KIF6: variants seen among roughly 807,000 people sequenced by gnomAD.
The protein encoded by KIF6 is kinesin family member 6, also known as kinesin-like protein KIF6.
A neutral mutation model predicts 112.7 loss-of-function variants in KIF6; 106 were observed. The ratio of observed to expected loss-of-function variants is 0.94; its 90% CI spans 0.80 to 1.11. The LOEUF is 1.11. KIF6 is among the 50% of genes least tolerant of loss of function. The pLI, the probability that KIF6 is intolerant of heterozygous loss-of-function variation, is 0.00. For synonymous variants in KIF6, 339 were observed against 339.9 expected (o/e 1.00, Z 0.03); for missense variants, 929 against 964.0 (o/e 0.96, Z 0.48).
chr6:39,403,579 C>A (rs1202865921), intron 15 of KIF6, among the ~76,000 whole-genome samples: 1 of 152,210 alleles, frequency 6.6e-6, no homozygotes, highest in East Asian at 1.9e-4. Flanking sequence ...TGGGTTACCA[C>A]CAGTTTTTGG....
intron 13 of KIF6, among the ~76,000 whole-genome samples, chr6:39,519,463 A>G (rs1016132018): frequency 1.3e-5 from 2 of 152,202 alleles, no homozygotes; most frequent in Non-Finnish European, 2.9e-5. Flanking sequence ...GTAATGCTGC[A>G]TGGCAGGTTT....
At chr6:39,337,024 CTTCCT>C (rs1260615753) in intron 22 of KIF6, among the ~76,000 whole-genome samples, 4 of 134,494 alleles carry the variant, frequency 3.0e-5, no homozygotes, top group East Asian at 4.5e-4. Context: ...CCCTCCCTTC[CTTCCT>C]TTCTTTTCCT....
intron 13 of KIF6, among the ~76,000 whole-genome samples, chr6:39,446,537 A>G (rs1402747133): frequency 6.6e-6 from 1 of 152,168 alleles, no homozygotes; most frequent in East Asian, 1.9e-4. Flanking sequence ...CTTGTTGCCC[A>G]GGCTGGAGTG....
rs1562109899 is a variant in KIF6, at chr6:39,343,921, C to A, written c.2322-106G>T. On this transcript the variant is annotated intron_variant, in intron 21 of 22. Coordinates refer to ENST00000287152, the MANE Select transcript of KIF6 (RefSeq NM_145027.6). The surrounding 1 kb of genome is among the most constrained non-coding windows in gnomAD (Gnocchi z 4.1). ...TAGGTGACTGATCTCACTCAGAAAG[C>A]TACATGACACGGCTGGCCTGCTTCT... 1 of 628,624 alleles carries A rather than the reference C, an allele frequency of 1.6e-6. No individual in the cohort carries two copies. The highest frequency in any genetic ancestry group is 2.7e-6 in the Non-Finnish European group (1 of 365,042). 38.9% of individuals were successfully genotyped at this position (628,624 alleles called of 1,614,324 possible).
At chr6:39,536,986 G>A (rs1778469585) in intron 13 of KIF6, among the ~76,000 whole-genome samples, 1 of 152,064 alleles carries the variant, frequency 6.6e-6, no homozygotes, top group Non-Finnish European at 1.5e-5. Context: ...CTCAATAGAT[G>A]CAGAAAAGGC....
At chr6:39,486,059 G>C (rs1185806171) in intron 13 of KIF6, among the ~76,000 whole-genome samples, 2 of 152,180 alleles carry the variant, frequency 1.3e-5, no homozygotes, top group African/African-American at 4.8e-5. Flanking sequence ...CAATGCTTGT[G>C]GCAGATGAAA....
chr6:39,465,303 C>T (rs1040387940), intron 13 of KIF6, among the ~76,000 whole-genome samples: 1 of 152,166 alleles, frequency 6.6e-6, no homozygotes, highest in African/African-American at 2.4e-5. Flanking sequence ...GACTTTTTGA[C>T]GTGTGACTCT....
chr6:39,544,260 T>A (rs1056574506), intron 12 of KIF6, among the ~76,000 whole-genome samples: 2 of 152,166 alleles, frequency 1.3e-5, no homozygotes, highest in Non-Finnish European at 2.9e-5. Context: ...AAATATATTT[T>A]AAAAAATTAA....
In KIF6 at chr6:39,394,699, C is replaced by G. The variant is rs184592208; in HGVS notation, c.1811-9027G>C. On this transcript the variant is annotated intron_variant, in intron 15 of 22. Transcript: ENST00000287152. ...CATACAGTGGGAGGCCAGGAGTGGC[C>G]TAAATGCTAGGCAAATGTTTTTAAG... Among the ~76,000 whole-genome samples, 598 of 152,310 alleles carry G rather than the reference C, an allele frequency of 3.9e-3. 5 individuals are homozygous for G. Among genetic ancestry groups the G allele is most frequent in the South Asian group, 0.027 (129 of 4,824 alleles).
chr6:39,589,032 T>A (rs1462076641), intron 7 of KIF6, among the ~76,000 whole-genome samples: 6 of 152,222 alleles, frequency 3.9e-5, no homozygotes, highest in Non-Finnish European at 5.9e-5. Context: ...AGCTCCTGTG[T>A]GGTCCATCCC....
At chr6:39,720,253 T>C (rs1790131398) in intron 2 of KIF6, among the ~76,000 whole-genome samples, 1 of 152,200 alleles carries the variant, frequency 6.6e-6, no homozygotes, top group African/African-American at 2.4e-5. Context: ...CACATGTGGC[T>C]TGTGGCTATT....
At chr6:39,429,194 G>A (rs943179951) in intron 14 of KIF6, among the ~76,000 whole-genome samples, 8 of 152,206 alleles carry the variant, frequency 5.3e-5, no homozygotes, top group Non-Finnish European at 1.0e-4. Context: ...GACCCTCATT[G>A]CGGTTTGCTT....
intron 15 of KIF6, among the ~76,000 whole-genome samples, chr6:39,392,787 G>T (rs1767989301): frequency 1.3e-5 from 2 of 152,298 alleles, no homozygotes; most frequent in South Asian, 4.1e-4. Flanking sequence ...AGACTGAGAG[G>T]CTTCCTCATT....
intron 17 of KIF6, among the ~76,000 whole-genome samples, chr6:39,361,338 C>T (rs1285905674): frequency 6.6e-6 from 1 of 151,888 alleles, no homozygotes; most frequent in Non-Finnish European, 1.5e-5. Context: ...GCGGGTGGAT[C>T]ACCTGAGGTC....
chr6:39,722,147 T>TA lies in KIF6; in HGVS notation c.67-1337dup, dbSNP rs920907790. ...AATTATATCCTGTTGGGCACTACAT[T>TA]AAAAAAAAAAGTTTTATAGCCAGAC... On this transcript the variant is annotated intron_variant, in intron 1 of 22. Coordinates refer to ENST00000287152, the MANE Select transcript of KIF6 (RefSeq NM_145027.6). 3.1e-3 allele frequency among the ~76,000 whole-genome samples: 463 copies of TA among 148,744 alleles called. 2 individuals are homozygous for TA. Among genetic ancestry groups the TA allele is most frequent in the African/African-American group, 0.01 (414 of 40,722 alleles).
chr6:39,648,230 G>GGGC (rs1785282802), intron 3 of KIF6, among the ~76,000 whole-genome samples: 2 of 90,336 alleles, frequency 2.2e-5, no homozygotes, highest in Non-Finnish European at 2.3e-5. Context: ...GGGCGGGGGG[G>GGGC]GGTGCCTCAC....
At chr6:39,423,058 T>C (rs1326324356) in intron 14 of KIF6, among the ~76,000 whole-genome samples, 1 of 152,192 alleles carries the variant, frequency 6.6e-6, no homozygotes, top group African/African-American at 2.4e-5. Context: ...GCCAAAGCAT[T>C]CCTATTAGGG....
chr6:39,659,017 G>A (rs1785969632), intron 3 of KIF6, among the ~76,000 whole-genome samples: 1 of 152,184 alleles, frequency 6.6e-6, no homozygotes, highest in African/African-American at 2.4e-5. Flanking sequence ...AGCCTGCCAA[G>A]AGAATCCACA....
At chr6:39,647,517 G>T (rs115069622) in intron 3 of KIF6, among the ~76,000 whole-genome samples, 1 of 151,850 alleles carries the variant, frequency 6.6e-6, no homozygotes, top group East Asian at 1.9e-4. Flanking sequence ...GACTCAAGCC[G>T]AGCAAAAAAG....
Sources: gnomAD v4.1 joint callset for allele counts (sites outside exome capture counted in the v4.1 genomes callset) on GRCh38, gnomAD v4.1.1 for gene constraint, Gnocchi (gnomAD v3.1) non-coding constraint, MANE v1.5 for transcripts, NCBI Gene and HGNC (gene_info 2026-07-23, HGNC 2026-07-21) for gene names.